Variants in NRF1 observed in about 807,000 individuals in gnomAD.
The protein encoded by NRF1 is nuclear respiratory factor 1, also known as alpha palindromic-binding protein.
NRF1 carries 5 observed loss-of-function variants against 58.5 expected under a neutral mutation model. That is an observed-to-expected ratio of 0.09 (90% CI 0.04 to 0.18). The LOEUF is 0.18. NRF1 is among the 10% of genes least tolerant of loss of function. NRF1 has a pLI of 1.00. For synonymous variants in NRF1, 224 were observed against 246.7 expected (o/e 0.91, Z 0.86); for missense variants, 288 against 657.7 (o/e 0.44, Z 6.15).
chr7:129,678,055 T>A (rs1315954808), intron 4 of NRF1, among the ~76,000 whole-genome samples: 2 of 152,166 alleles, frequency 1.3e-5, no homozygotes, highest in Non-Finnish European at 2.9e-5. Context: ...CAGGATTTTC[T>A]AAGAAAATTA....
chr7:129,723,368 G>A (rs1451002901), intron 9 of NRF1, among the ~76,000 whole-genome samples: 1 of 151,828 alleles, frequency 6.6e-6, no homozygotes, highest in Non-Finnish European at 1.5e-5. Flanking sequence ...GCTTGAACCT[G>A]GGAGGCAGAG....
intron 1 of NRF1, among the ~76,000 whole-genome samples, chr7:129,644,423 C>A (rs2151069315): frequency 6.6e-6 from 1 of 152,260 alleles, no homozygotes; most frequent in Non-Finnish European, 1.5e-5. Flanking sequence ...ATTGTATGAA[C>A]CCACTCTATT....
intron 10 of NRF1, among the ~76,000 whole-genome samples, chr7:129,746,253 G>T (rs1177636165): frequency 1.3e-5 from 2 of 152,186 alleles, no homozygotes; most frequent in African/African-American, 4.8e-5. Flanking sequence ...GGAAAGAAAT[G>T]CTTTTTCTCT....
At chr7:129,729,586 A>G (rs1803531700) in intron 10 of NRF1, among the ~76,000 whole-genome samples, 1 of 152,226 alleles carries the variant, frequency 6.6e-6, no homozygotes, top group South Asian at 2.1e-4. Flanking sequence ...GTTTTAGGCA[A>G]AGGCCAATCA....
At chr7:129,670,329 A>G (rs1377211908) in intron 2 of NRF1, among the ~76,000 whole-genome samples, 3 of 152,236 alleles carry the variant, frequency 2.0e-5, no homozygotes, top group African/African-American at 7.2e-5. Flanking sequence ...AAGTGTTCTT[A>G]CCACAATTTT....
Position 129,717,714 on chromosome 7 carries a change from G to A in NRF1, c.1223+338G>A, listed in dbSNP as rs892055005. Among the ~76,000 whole-genome samples, 35 of 152,196 alleles carry A rather than the reference G, an allele frequency of 2.3e-4. No individual in the cohort carries two copies. In the South Asian group the frequency reaches 7.1e-3, roughly 31 times the overall value. ...CTCCGCATCATTCTTCACTCCTGCC[G>A]CCACCCAGCCCCAACAACCAGTGTA... On this transcript the variant is annotated intron_variant, in intron 9 of 10. Coordinates refer to ENST00000393232, the MANE Select transcript of NRF1 (RefSeq NM_005011.5).
rs113131059 is a variant in NRF1, at chr7:129,670,002, A to T, written c.224-1427A>T. Among the ~76,000 whole-genome samples the T allele has an allele frequency of 4.2e-3, 637 of 152,372 alleles. 4 individuals are homozygous for T. The highest frequency in any genetic ancestry group is 0.014 in the African/African-American group (602 of 41,588). On this transcript the variant is annotated intron_variant, in intron 2 of 10. Coordinates refer to ENST00000393232, the MANE Select transcript of NRF1 (RefSeq NM_005011.5). ...TGATCTGTATGTACAATGGAACATT[A>T]TTCACCCTTAAAAACACAAGGAAAT...
At chr7:129,743,744 A>G (rs1803902801) in intron 10 of NRF1, among the ~76,000 whole-genome samples, 1 of 152,202 alleles carries the variant, frequency 6.6e-6, no homozygotes, top group South Asian at 2.1e-4. Flanking sequence ...CTCGTGACAC[A>G]TTTTAAATCC....
intron 3 of NRF1, among the ~76,000 whole-genome samples, chr7:129,673,686 C>T (rs1180217724): frequency 3.6e-5 from 5 of 140,178 alleles, no homozygotes; most frequent in East Asian, 2.1e-4. Context: ...CACAGCACTC[C>T]CGCCTGGGCG....
At chr7:129,657,070 T>G (rs1292286864) in intron 1 of NRF1, among the ~76,000 whole-genome samples, 1 of 152,214 alleles carries the variant, frequency 6.6e-6, no homozygotes, top group Non-Finnish European at 1.5e-5. Flanking sequence ...GAATGTCTTT[T>G]TATTATTAAG....
intron 4 of NRF1, 86 bp downstream of exon 4, chr7:129,677,844 T>C: frequency 2.0e-6 from 3 of 1,521,038 alleles, no homozygotes; most frequent in Non-Finnish European, 2.7e-6. Flanking sequence ...AGTATAACAG[T>C]TGGCATTTCT....
intron 5 of NRF1, among the ~76,000 whole-genome samples, chr7:129,706,026 T>C (rs1384094076): frequency 6.6e-6 from 1 of 152,006 alleles, no homozygotes; most frequent in Non-Finnish European, 1.5e-5. Flanking sequence ...AAAGAATGAG[T>C]GGCGGCATTA....
Position 129,677,712 on chromosome 7 carries a change from C to G in NRF1, c.419C>G (p.Pro140Arg). ...GTCCTCTGTATCTCACCCTCCAAAC[C>G]TAACCCTGTCTTTAAAGTGTTTGGT... ...AIVLCISPSK[P>R]NPVFKVFGAA... Residue 140 changes from proline to arginine, a missense_variant, in exon 4 of 11, where the codon CCT becomes CGT. By Grantham distance (103) the Pro-to-Arg change is moderately radical. Coordinates refer to ENST00000393232, the MANE Select transcript of NRF1 (RefSeq NM_005011.5). 1 of 1,614,160 alleles carries G rather than the reference C, an allele frequency of 6.2e-7. No homozygotes were observed. Among genetic ancestry groups the G allele is most frequent in the Non-Finnish European group, 8.5e-7 (1 of 1,180,008 alleles).
intron 9 of NRF1, 105 bp from the exon 10 acceptor site, chr7:129,727,136 T>G: frequency 8.2e-7 from 1 of 1,218,156 alleles, no homozygotes; most frequent in South Asian, 1.8e-5. Flanking sequence ...ATCACAACCA[T>G]GGAGTCAGTA....
At position 129,657,367 on chromosome 7, in the gene NRF1, G is replaced by C. The variant is rs1328388403; in HGVS notation, c.16G>C (p.Val6Leu). 5 of 1,613,956 alleles carry C rather than the reference G, an allele frequency of 3.1e-6. No homozygotes were observed. Among genetic ancestry groups the C allele is most frequent in the Non-Finnish European group, 4.2e-6 (5 of 1,179,952 alleles). MEEHGVTQTEHMATIE... is the reference protein window; with the variant it reads MEEHGLTQTEHMATIE... ...GTAGAACTTCATGGAGGAACACGGA[G>C]TGACCCAAACCGAACATATGGCTAC... is the stretch of plus-strand genomic sequence containing the variant. The change falls in exon 2 of 11, where the codon GTG (valine) becomes CTG (leucine). Residue 6 changes from valine (V) to leucine (L), a missense_variant. By Grantham distance (32) the Val-to-Leu change is conservative. This residue lies in a region of NRF1 where 48 missense variants were observed against 65.5 expected (regional missense o/e 0.73). Coordinates refer to ENST00000393232, the MANE Select transcript of NRF1 (RefSeq NM_005011.5).
chr7:129,711,569 A>G lies in NRF1; in HGVS notation c.1058A>G (p.Asp353Gly), dbSNP rs1176658049. ...CAAGTGAATTATTCTGCCGTGGCTGATGGAGAGGTAAGAAAGAGATTCCAT... is the reference window on the plus strand; with the variant it reads ...CAAGTGAATTATTCTGCCGTGGCTGGTGGAGAGGTAAGAAAGAGATTCCAT... ...VAQVNYSAVA[D>G]GEVEQNWATL... The change falls in exon 8 of 11, where the codon GAT becomes GGT. Residue 353 changes from aspartate to glycine, a missense_variant. Physicochemically the swap from Asp to Gly is moderately conservative, Grantham distance 94 (BLOSUM62 -1). Coordinates refer to ENST00000393232, the MANE Select transcript of NRF1 (RefSeq NM_005011.5). The G allele has an allele frequency of 1.2e-6, 2 of 1,609,254 alleles. No homozygotes were observed. Among genetic ancestry groups the G allele is most frequent in the South Asian group, 2.2e-5 (2 of 89,978 alleles).
rs916438581 is a variant in NRF1, at chr7:129,625,445, A to G, written c.-7+13621A>G. ...ACTTACTAAGTTTGCAACCTTGAGC[A>G]TGTTATTTAACTTTTCTGAGTCTGA... On this transcript the variant is annotated intron_variant, in intron 1 of 10. Transcript: ENST00000393232. 9.9e-5 allele frequency among the ~76,000 whole-genome samples: 15 copies of G among 152,238 alleles called. 1 individual carries two copies. Among genetic ancestry groups the G allele is most frequent in the Admixed American group, 6.5e-4 (10 of 15,292 alleles).
intron 1 of NRF1, among the ~76,000 whole-genome samples, chr7:129,622,571 C>CTTTTTT (rs71527916): frequency 2.3e-5 from 3 of 132,564 alleles, no homozygotes. Context: ...CTTTTCTTTT[C>CTTTTTT]TTTTTTTTTT....
chr7:129,636,771 C>T (rs969066367), intron 1 of NRF1, among the ~76,000 whole-genome samples: 3 of 152,114 alleles, frequency 2.0e-5, no homozygotes, highest in South Asian at 2.1e-4. Context: ...TCGATAGATA[C>T]GTATGGCTAA....
Sources: allele counts gnomAD v4.1 joint callset (sites outside exome capture counted in the v4.1 genomes callset), GRCh38; gene constraint gnomAD v4.1.1; regional missense constraint gnomAD v4.1.1; transcripts MANE v1.5; gene names NCBI Gene and HGNC (gene_info 2026-07-23, HGNC 2026-07-21).